Variants in PAK4 observed in about 807,000 individuals in gnomAD.
PAK4 encodes the protein p21 (RAC1) activated kinase 4, also known as serine/threonine-protein kinase PAK 4.
Under a neutral mutation model 53.5 loss-of-function variants are expected in PAK4, and 49 were observed. The observed-to-expected ratio is 0.92, with a 90% CI of 0.73 to 1.16. PAK4 has a LOEUF of 1.16. PAK4 is among the 50% of genes most tolerant of loss of function. PAK4 has a pLI of 0.00. For missense variants in PAK4, 824 were observed against 850.7 expected (o/e 0.97, Z 0.39); for synonymous variants, 376 against 375.6 (o/e 1.00, Z -0.01).
chr19:39,172,845 C>T, intron 2 of PAK4, 73 bp from the exon 4 acceptor site: 1 of 1,268,980 alleles, frequency 7.9e-7, no homozygotes, highest in Non-Finnish European at 1.1e-6. Context: ...TGTCCTGTCC[C>T]TGCGTGTCGG....
chr19:39,171,031 C>G (rs368046830), intron 2 of PAK4, among the ~76,000 whole-genome samples: 1 of 152,210 alleles, frequency 6.6e-6, no homozygotes, highest in East Asian at 1.9e-4. Context: ...AAAAACCCAG[C>G]CCCTGCCTGG....
chr19:39,151,611 C>A (rs547088542), intron 1 of PAK4, among the ~76,000 whole-genome samples: 1 of 152,210 alleles, frequency 6.6e-6, no homozygotes, highest in South Asian at 2.1e-4. Flanking sequence ...GGTCCTTCCA[C>A]ACAGCTGCCA....
intron 1 of PAK4, among the ~76,000 whole-genome samples, chr19:39,163,166 G>T (rs2144780729): frequency 6.6e-6 from 1 of 152,326 alleles, no homozygotes; most frequent in South Asian, 2.1e-4. Context: ...GAGCTGGTAG[G>T]TGAAGATTGT....
At position 39,175,297 on chromosome 19, in the gene PAK4, C is replaced by T. The variant is rs777756935; in HGVS notation, c.1233-15C>T. ...GCTGTCCAGCTGGCTGCTCACCCCC[C>T]ACCCCACCCCGCAGGATGAACGAGG... On this transcript the variant is annotated splice_polypyrimidine_tract_variant and intron_variant, in intron 5 of 8. Coordinates refer to ENST00000358301, the Ensembl canonical transcript of PAK4. This position sits in a 1 kb window ranked among gnomAD's most constrained non-coding sequence, Gnocchi z 4.7. 37 of 1,564,262 alleles carry T rather than the reference C, an allele frequency of 2.4e-5. No individual in the cohort carries two copies. In the Admixed American group the frequency reaches 3.4e-4, roughly 14 times the overall value.
chr19:39,174,906 C>A, intron 4 of PAK4, 25 bp from the exon 6 acceptor site: 1 of 1,613,140 alleles, frequency 6.2e-7, no homozygotes, highest in Non-Finnish European at 8.5e-7. Flanking sequence ...CGCCTCCCTC[C>A]ACCACTGACC....
intron 1 of PAK4, among the ~76,000 whole-genome samples, chr19:39,155,974 G>A (rs900412271): frequency 6.6e-6 from 1 of 152,226 alleles, no homozygotes; most frequent in African/African-American, 2.4e-5. Flanking sequence ...TCCTGGTGAG[G>A]CGGCGCCAGC....
Position 39,175,786 on chromosome 19 carries a change from C to T in PAK4, c.1359+348C>T, listed in dbSNP as rs982320648. 3.3e-5 allele frequency among the ~76,000 whole-genome samples: 5 copies of T among 152,362 alleles called. No individual in the cohort carries two copies. In the East Asian group the frequency reaches 9.6e-4, roughly 29 times the overall value. On this transcript the variant is annotated intron_variant, in intron 6 of 8. Transcript: ENST00000358301. The surrounding 1 kb of genome is among the most constrained non-coding windows in gnomAD (Gnocchi z 4.7). The stretch of plus-strand genomic sequence containing the variant: ...CCCAGGGCGGTCCATGGACCCCAGT[C>T]CTGTCTTCCATGCTTTGGACTGAGG...
Position 39,173,027 on chromosome 19 carries a change from C to A in PAK4, c.314C>A (p.Pro105Gln). The A allele has an allele frequency of 6.5e-7, 1 of 1,549,090 alleles. No homozygotes were observed. The highest frequency in any genetic ancestry group is 8.7e-7 in the Non-Finnish European group (1 of 1,146,888). ...TCCAACTCCCTGCGGAGAGACAGCC[C>A]GCCGCCGCCCGCCCGTGCCCGCCAG... Residue 105 changes from proline to glutamine, a missense_variant, in exon 3 of 9, where the codon CCG becomes CAG. By Grantham distance (76) the Pro-to-Gln change is moderately conservative (BLOSUM62 -1). Coordinates refer to ENST00000358301, the Ensembl canonical transcript of PAK4. This position sits in a 1 kb window ranked among gnomAD's most constrained non-coding sequence, Gnocchi z 6.9.
intron 1 of PAK4, among the ~76,000 whole-genome samples, chr19:39,158,134 T>TGTGTGAGCGTGCGTGCAC (rs1491266519): frequency 4.2e-4 from 63 of 150,596 alleles, no homozygotes; most frequent in African/African-American, 1.4e-3. Context: ...CGTGCGTGCA[T>TGTGTGAGCGTGCGTGCAC]GTGTGAGCGT....
intron 1 of PAK4, chr19:39,136,505 C>A (rs564397189): frequency 2.0e-5 from 3 of 152,426 alleles, no homozygotes; most frequent in Non-Finnish European, 4.4e-5. Flanking sequence ...ACAGTGGCCC[C>A]CTTGGGGAGA....
intron 1 of PAK4, among the ~76,000 whole-genome samples, chr19:39,165,900 T>A (rs1459804237): frequency 2.6e-5 from 4 of 152,152 alleles, no homozygotes; most frequent in African/African-American, 9.7e-5. Flanking sequence ...GTTAATGAGG[T>A]CCCCCTCTGT....
chr19:39,163,295 G>T (rs1466404970), intron 1 of PAK4, among the ~76,000 whole-genome samples: 1 of 152,148 alleles, frequency 6.6e-6, no homozygotes, highest in Non-Finnish European at 1.5e-5. Context: ...GGATGCCTGT[G>T]GTCCTGGCCA....
chr19:39,134,496 A>G (rs769006670), intron 1 of PAK4, among the ~76,000 whole-genome samples: 1 of 149,810 alleles, frequency 6.7e-6, no homozygotes, highest in South Asian at 2.1e-4. Context: ...CATAAATGGA[A>G]TCTTCCAGTA....
rs770848781 is a variant in PAK4, at chr19:39,173,529, C to T, written c.664-47C>T. ...TCTCTCTCCTGCTTAGGGAGCAGAG[C>T]TGCTCCCTGGCACCCATCACTGACA... On this transcript the variant is annotated intron_variant, in intron 3 of 8. Coordinates refer to ENST00000358301, the Ensembl canonical transcript of PAK4. The surrounding 1 kb of genome is among the most constrained non-coding windows in gnomAD (Gnocchi z 6.9). The T allele has an allele frequency of 2.1e-6, 3 of 1,457,554 alleles. No individual in the cohort carries two copies. The highest frequency in any genetic ancestry group is 2.8e-6 in the Non-Finnish European group (3 of 1,081,140). The allele number at this position is 1,457,554 out of a possible 1,614,324, so 90.3% of individuals were successfully genotyped here.
At chr19:39,142,069 C>G (rs1250605684) in intron 1 of PAK4, among the ~76,000 whole-genome samples, 2 of 152,144 alleles carry the variant, frequency 1.3e-5, no homozygotes, top group Admixed American at 1.3e-4. Flanking sequence ...CTTGACCTCC[C>G]CTGCTCAAGC....
intron 1 of PAK4, among the ~76,000 whole-genome samples, chr19:39,142,431 T>A (rs1670623468): frequency 6.6e-6 from 1 of 152,116 alleles, no homozygotes; most frequent in Non-Finnish European, 1.5e-5. Context: ...AAGTAAAAAT[T>A]AAGTTTTTTT....
chr19:39,166,584 C>T (rs1220893120), intron 1 of PAK4, among the ~76,000 whole-genome samples: 1 of 152,206 alleles, frequency 6.6e-6, no homozygotes, highest in African/African-American at 2.4e-5. Flanking sequence ...AGCTCCAGTT[C>T]ACAGACACAG....
At chr19:39,165,122 G>A (rs2074347957) in intron 1 of PAK4, among the ~76,000 whole-genome samples, 1 of 151,404 alleles carries the variant, frequency 6.6e-6, no homozygotes, top group East Asian at 1.9e-4. Context: ...CAAGGTCTGG[G>A]TGTAGACAGA....
intron 7 of PAK4, 25 bp from the exon 9 acceptor site, chr19:39,177,650 C>A: frequency 6.2e-7 from 1 of 1,603,808 alleles, no homozygotes; most frequent in Non-Finnish European, 8.5e-7. Flanking sequence ...ACAGCTCAGC[C>A]CTGCTGTCCC....
Sources: allele counts gnomAD v4.1 joint callset (sites outside exome capture counted in the v4.1 genomes callset), GRCh38; gene constraint gnomAD v4.1.1; non-coding constraint Gnocchi (gnomAD v3.1); transcripts MANE v1.5; gene names NCBI Gene and HGNC (gene_info 2026-07-23, HGNC 2026-07-21).